Variants in TTYH3 observed in about 807,000 individuals in gnomAD.
TTYH3 encodes the protein protein tweety homolog 3.
A neutral mutation model predicts 68.2 loss-of-function variants in TTYH3; 23 were observed. The ratio of observed to expected loss-of-function variants is 0.34; its 90% CI spans 0.24 to 0.48. The LOEUF is 0.48. Ranked by LOEUF, TTYH3 falls within the 20% of genes least tolerant of loss-of-function variation. TTYH3 has a pLI of 0.99. For synonymous variants in TTYH3, 360 were observed against 332.8 expected (o/e 1.08, Z -0.89); for missense variants, 768 against 727.7 (o/e 1.06, Z -0.64).
intron 9 of TTYH3, among the ~76,000 whole-genome samples, chr7:2,654,686 G>T (rs1786284814): frequency 2.0e-5 from 3 of 152,132 alleles, no homozygotes; most frequent in Admixed American, 2.0e-4. Flanking sequence ...CTTCTTCCAA[G>T]GCCTCCCTTT....
chr7:2,638,299 C>T (rs372317516), intron 1 of TTYH3, among the ~76,000 whole-genome samples: 2 of 148,768 alleles, frequency 1.3e-5, no homozygotes, highest in African/African-American at 2.4e-5. Context: ...TGTCGGAGCA[C>T]GGGGACCAAA....
At position 2,656,114 on chromosome 7, in the gene TTYH3, A is replaced by G. The variant is rs148146737; in HGVS notation, c.1043A>G (p.Glu348Gly). The change falls in exon 10 of 14, where the codon GAG (glutamate) becomes GGG (glycine). Residue 348 changes from glutamate to glycine, a missense_variant. Transcript: ENST00000258796. ...ATKDPLLRVQEVLNGTEVNLQ... is the reference protein window; with the variant it reads ...ATKDPLLRVQGVLNGTEVNLQ... ...CAGGACCCCCTCCTCCGCGTCCAGG[A>G]GGTGCTGAATGGCACGGAGGTGAAC... is the stretch of plus-strand genomic sequence containing the variant. 1 of 1,561,648 alleles carries G rather than the reference A, an allele frequency of 6.4e-7. No homozygotes were observed.
chr7:2,663,488 C>T lies in TTYH3; in HGVS notation c.*1749C>T, dbSNP rs1562723014. Reference sequence around the variant, plus strand: ...GGCCCCAAGCCGGGGCGTCTGAGCTCCCCAGGCATGACCAAACCTCAGTGG... The same window carrying T: ...GGCCCCAAGCCGGGGCGTCTGAGCTTCCCAGGCATGACCAAACCTCAGTGG... On this transcript the variant is annotated 3_prime_UTR_variant, in exon 14 of 14. Coordinates refer to ENST00000258796, the MANE Select transcript of TTYH3 (RefSeq NM_025250.3). The T allele has an allele frequency of 6.6e-6, 1 of 152,664 alleles. No individual in the cohort carries two copies. The highest frequency in any genetic ancestry group is 6.5e-5 in the Admixed American group (1 of 15,308). 9.5% of individuals were successfully genotyped at this position (152,664 alleles called of 1,614,324 possible).
chr7:2,656,268 C>T (rs1250270805), intron 10 of TTYH3, 84 bp downstream of exon 10: 2 of 1,562,036 alleles, frequency 1.3e-6, no homozygotes, highest in African/African-American at 1.4e-5. Context: ...TGGGGACCCT[C>T]AGCAGACAGT....
rs779528370 is a variant in TTYH3 at position 2,656,453 on chromosome 7, A to G, written c.1169A>G (p.Tyr390Cys). 2 of 1,611,920 alleles carry G rather than the reference A, an allele frequency of 1.2e-6. No individual in the cohort carries two copies. Among genetic ancestry groups the G allele is most frequent in the Admixed American group, 1.7e-5 (1 of 59,990 alleles). The change falls in exon 11 of 14, where the codon TAC (tyrosine) becomes TGC (cysteine). Residue 390 changes from tyrosine (Y) to cysteine (C), a missense_variant. Tyr to Cys is a radical substitution (Grantham distance 194, BLOSUM62 -2). Coordinates refer to ENST00000258796, the MANE Select transcript of TTYH3 (RefSeq NM_025250.3). The stretch of plus-strand genomic sequence containing the variant: ...TATGACGGCGTGGAGGGCCTCATCT[A>G]CCTGGCCCTCTTCTCCTTCGTCACA... ...FCYDGVEGLI[Y>C]LALFSFVTAL...
At chr7:2,644,092 G>T (rs1273410170) in intron 1 of TTYH3, among the ~76,000 whole-genome samples, 3 of 152,174 alleles carry the variant, frequency 2.0e-5, no homozygotes, top group African/African-American at 7.2e-5. Context: ...GGTTGACATG[G>T]CCCCCAGGCC....
chr7:2,651,370 G>A (rs917468069), intron 7 of TTYH3, among the ~76,000 whole-genome samples: 6 of 152,164 alleles, frequency 3.9e-5, no homozygotes, highest in Non-Finnish European at 8.8e-5. Flanking sequence ...TGGAGGAAAA[G>A]TCATCTGCCG....
intron 9 of TTYH3, among the ~76,000 whole-genome samples, chr7:2,654,714 T>C (rs1786285713): frequency 6.6e-6 from 1 of 152,188 alleles, no homozygotes; most frequent in Non-Finnish European, 1.5e-5. Flanking sequence ...AGACGCTGTC[T>C]TCTCCCACTG....
chr7:2,657,708 G>C (rs967271956), intron 11 of TTYH3, among the ~76,000 whole-genome samples: 1 of 152,110 alleles, frequency 6.6e-6, no homozygotes, highest in Non-Finnish European at 1.5e-5. Flanking sequence ...TGCACGTGAG[G>C]GGCTTGGCTG....
At chr7:2,639,135 G>A (rs1156533434) in intron 1 of TTYH3, among the ~76,000 whole-genome samples, 1 of 152,158 alleles carries the variant, frequency 6.6e-6, no homozygotes, top group Admixed American at 6.5e-5. Context: ...TCTGGAGGAG[G>A]GGCCTTGGGA....
At chr7:2,639,396 T>C (rs905802574) in intron 1 of TTYH3, among the ~76,000 whole-genome samples, 1 of 152,150 alleles carries the variant, frequency 6.6e-6, no homozygotes, top group Non-Finnish European at 1.5e-5. Context: ...CCTGTTGCGG[T>C]ACCCACGATG....
intron 7 of TTYH3, among the ~76,000 whole-genome samples, chr7:2,650,814 G>A (rs1475955209): frequency 6.6e-6 from 1 of 151,944 alleles, no homozygotes; most frequent in Non-Finnish European, 1.5e-5. Context: ...AAGAGTGGGT[G>A]AGGAGGATAC....
chr7:2,659,120 CTGGGGGCAGCTGTGAGCTG>C, intron 13 of TTYH3, 105 bp downstream of exon 13: 1 of 1,052,786 alleles, frequency 9.5e-7, no homozygotes. Flanking sequence ...AGTGTGAGCT[CTGGGGGCAGCTGTGAGCTG>C]CCACCACCGG....
chr7:2,647,421 T>C lies in TTYH3; in HGVS notation c.409T>C (p.Trp137Arg), dbSNP rs995399269. Reference sequence around the variant, plus strand: ...CACGCCCGCGGGTCCGGCGCAGGTGTGGGACACGGCGGTGGGGCTGAACCA... The same window carrying C: ...CACGCCCGCGGGTCCGGCGCAGGTGCGGGACACGGCGGTGGGGCTGAACCA... ...RTVAGVQDRVWDTAVGLNHTA... is the reference protein window; with the variant it reads ...RTVAGVQDRVRDTAVGLNHTA... Residue 137 changes from tryptophan to arginine, a missense_variant, in exon 4 of 14, where the codon TGG becomes CGG. Trp to Arg is a moderately radical substitution (Grantham distance 101, BLOSUM62 -3). Coordinates refer to ENST00000258796, the MANE Select transcript of TTYH3 (RefSeq NM_025250.3). The C allele has an allele frequency of 5.8e-5, 87 of 1,509,278 alleles. No homozygotes were observed. In the African/African-American group the frequency reaches 9.0e-4, roughly 16 times the overall value. 93.5% of individuals were successfully genotyped at this position (1,509,278 alleles called of 1,614,324 possible). A position where few individuals can be genotyped will look rare whatever the true frequency, so the allele number is the denominator to read the frequency against.
intron 13 of TTYH3, among the ~76,000 whole-genome samples, 193 bp downstream of exon 13, chr7:2,659,208 C>T (rs111354652): frequency 0.015 from 2,315 of 152,292 alleles, 59 homozygotes; most frequent in African/African-American, 0.054. Flanking sequence ...CCTGAGTTGA[C>T]GGGGCTGGGT....
chr7:2,645,206 C>T lies in TTYH3; in HGVS notation c.124-1647C>T, dbSNP rs780226649. 1.3e-5 allele frequency among the ~76,000 whole-genome samples: 2 copies of T among 152,228 alleles called. No individual in the cohort carries two copies. The highest frequency in any genetic ancestry group is 2.9e-5 in the Non-Finnish European group (2 of 68,044). On this transcript the variant is annotated intron_variant, in intron 1 of 13. Transcript: ENST00000258796. This position sits in a 1 kb window ranked among gnomAD's most constrained non-coding sequence, Gnocchi z 4.8. ...CCCTGTATCAGCTCCCCATCCCTCC[C>T]CCGGCACAGGAAGTGTGTGGAGGTT...
At chr7:2,644,580 G>A (rs1320660167) in intron 1 of TTYH3, among the ~76,000 whole-genome samples, 1 of 152,224 alleles carries the variant, frequency 6.6e-6, no homozygotes, top group African/African-American at 2.4e-5. Flanking sequence ...TCCTGCCCCT[G>A]GAGGGTGGGG....
At chr7:2,634,154 A>G (rs540002317) in intron 1 of TTYH3, among the ~76,000 whole-genome samples, 10 of 152,236 alleles carry the variant, frequency 6.6e-5, no homozygotes, top group Admixed American at 3.3e-4. Context: ...GCCTGCCTCC[A>G]TCCCCCGCCG....
rs879170567 is a variant in TTYH3 at position 2,659,905 on chromosome 7, C to T, written c.1500+890C>T. The T allele has an allele frequency of 2.0e-5, 26 of 1,294,310 alleles. No individual in the cohort carries two copies. The Admixed American group carries it at 2.1e-4, about 10-fold the overall frequency. 80.2% of individuals were successfully genotyped at this position (1,294,310 alleles called of 1,614,324 possible). On this transcript the variant is annotated intron_variant, in intron 13 of 13. Coordinates refer to ENST00000258796, the MANE Select transcript of TTYH3 (RefSeq NM_025250.3). ...TTGAGGCCACACTCTCTCTCTCTCT[C>T]TCTCTTGCACCCCACCCACCCCGGG... is the stretch of plus-strand genomic sequence containing the variant.
Sources: allele counts gnomAD v4.1 joint callset (sites outside exome capture counted in the v4.1 genomes callset), GRCh38; gene constraint gnomAD v4.1.1; non-coding constraint Gnocchi (gnomAD v3.1); transcripts MANE v1.5; gene names NCBI Gene and HGNC (gene_info 2026-07-23, HGNC 2026-07-21).